The following NCMAP variants were observed in gnomAD, a reference collection of about 807,000 sequenced individuals.
NCMAP encodes noncompact myelin-associated protein.
In NCMAP, 8 loss-of-function variants were observed where a neutral mutation model predicts 7.8. That is an observed-to-expected ratio of 1.02 (90% confidence interval 0.60 to 1.84). NCMAP has a LOEUF of 1.84. Among genes scored for constraint, NCMAP ranks in the 40% most tolerant of loss-of-function variants. The pLI is 0.00. For synonymous variants in NCMAP, 41 were observed against 52.9 expected, an observed-to-expected ratio of 0.78 and a Z score of 0.98; for missense variants, 112 against 131.4, an observed-to-expected ratio of 0.85 and a Z score of 0.72.
chr1:24,598,183 G>T (rs1363807173), intron 2 of NCMAP, among the ~76,000 whole-genome samples: 1 of 152,156 alleles, frequency 6.6e-6, no homozygotes, highest in Non-Finnish European at 1.5e-5. Flanking sequence ...TTCCCTTCCA[G>T]TGTTTCTTCC....
intron 1 of NCMAP, among the ~76,000 whole-genome samples, chr1:24,567,439 T>A (rs1651260501): frequency 6.6e-6 from 1 of 152,126 alleles, no homozygotes; most frequent in Non-Finnish European, 1.5e-5. Flanking sequence ...GAAACTGACA[T>A]TATCAGCACC....
At chr1:24,594,044 AC>A (rs1382112557) in intron 1 of NCMAP, among the ~76,000 whole-genome samples, 1 of 151,892 alleles carries the variant, frequency 6.6e-6, no homozygotes, top group African/African-American at 2.4e-5. Context: ...GGCACCCACC[AC>A]CATGCCTGGC....
At chr1:24,596,380 G>A (rs1652226601) in intron 2 of NCMAP, among the ~76,000 whole-genome samples, 1 of 152,086 alleles carries the variant, frequency 6.6e-6, no homozygotes, top group South Asian at 2.1e-4. Context: ...CTCTAAATGG[G>A]TCACCTTAAA....
intron 2 of NCMAP, among the ~76,000 whole-genome samples, chr1:24,598,999 G>T (rs1356168620): frequency 6.6e-6 from 1 of 151,766 alleles, no homozygotes; most frequent in Non-Finnish European, 1.5e-5. Context: ...AAAATTGGAG[G>T]CCGGGTGTGG....
rs770077364 is a variant in NCMAP, at chr1:24,594,319, C to T, written c.-7-1105C>T. Among the ~76,000 whole-genome samples, 125 of 152,174 alleles carry T rather than the reference C, an allele frequency of 8.2e-4. 1 individual carries two copies. Among genetic ancestry groups the T allele is most frequent in the Non-Finnish European group, 1.2e-3 (83 of 68,000 alleles). ...TCACCCCTCAAATGTAACATTGTAGCCTTGTGCATTTTGATTCTTAGTGGC... is the reference window on the plus strand; with the variant it reads ...TCACCCCTCAAATGTAACATTGTAGTCTTGTGCATTTTGATTCTTAGTGGC... On this transcript the variant is annotated intron_variant, in intron 1 of 3. Coordinates refer to ENST00000374392, the MANE Select transcript of NCMAP (RefSeq NM_001010980.5).
chr1:24,602,982 G>A (rs1370398994), intron 3 of NCMAP, among the ~76,000 whole-genome samples: 1 of 152,114 alleles, frequency 6.6e-6, no homozygotes, highest in Non-Finnish European at 1.5e-5. Context: ...GGAGGTTGCA[G>A]TGAGCTGAGA....
At chr1:24,582,286 TAA>T (rs1651768925) in intron 1 of NCMAP, among the ~76,000 whole-genome samples, 1 of 152,162 alleles carries the variant, frequency 6.6e-6, no homozygotes, top group African/African-American at 2.4e-5. Flanking sequence ...ATCAGACAGA[TAA>T]GAGCCCAACT....
intron 2 of NCMAP, among the ~76,000 whole-genome samples, chr1:24,597,669 A>AAG (rs1407914958): frequency 7.2e-6 from 1 of 139,584 alleles, no homozygotes; most frequent in African/African-American, 2.6e-5. Flanking sequence ...GAAAGAAAGA[A>AAG]AGAAAAGAAA....
chr1:24,595,451 G>A lies in NCMAP; in HGVS notation c.21G>A (p.Leu7=). Residue 7 remains leucine (L), a synonymous_variant, in exon 2 of 4, where the codon CTG becomes CTA. Coordinates refer to ENST00000374392, the MANE Select transcript of NCMAP (RefSeq NM_001010980.5). Reference sequence around the variant, plus strand: ...TCGAGATGACCACAGCCACCCCTCTGGGGGATACCACCTTCTTCTCACTGA... The same window carrying A: ...TCGAGATGACCACAGCCACCCCTCTAGGGGATACCACCTTCTTCTCACTGA... The part of the protein sequence containing the change: MTTATP[L]GDTTFFSLNM... The A allele has an allele frequency of 1.9e-6, 3 of 1,613,756 alleles. No individual in the cohort carries two copies. Among genetic ancestry groups the A allele is most frequent in the Non-Finnish European group, 2.5e-6 (3 of 1,179,682 alleles).
intron 1 of NCMAP, among the ~76,000 whole-genome samples, chr1:24,571,624 C>T (rs1651392169): frequency 2.7e-5 from 4 of 150,280 alleles, no homozygotes; most frequent in Admixed American, 1.3e-4. Context: ...CTTGCTCTGT[C>T]GCCCAGGCTG....
At chr1:24,565,942 G>A (rs757738701) in intron 1 of NCMAP, among the ~76,000 whole-genome samples, 3 of 152,152 alleles carry the variant, frequency 2.0e-5, no homozygotes, top group Non-Finnish European at 1.5e-5. Context: ...TGCTGTTCTC[G>A]TGATAGAGTG....
intron 1 of NCMAP, among the ~76,000 whole-genome samples, chr1:24,577,164 A>C (rs1048673557): frequency 3.3e-5 from 5 of 152,070 alleles, no homozygotes; most frequent in African/African-American, 1.2e-4. Context: ...AAAAATAAAA[A>C]ATAAAAAGGA....
chr1:24,568,532 AGGGCT>A (rs1651292827), intron 1 of NCMAP, among the ~76,000 whole-genome samples: 2 of 152,274 alleles, frequency 1.3e-5, no homozygotes, highest in Admixed American at 1.3e-4. Context: ...AATATATTAA[AGGGCT>A]GCTTTGTGCC....
chr1:24,588,567 G>T (rs1324989368), intron 1 of NCMAP, among the ~76,000 whole-genome samples: 1 of 152,196 alleles, frequency 6.6e-6, no homozygotes, highest in African/African-American at 2.4e-5. Context: ...ATTTTGGACA[G>T]GTGGGAGTCT....
intron 3 of NCMAP, among the ~76,000 whole-genome samples, chr1:24,603,831 GTAAT>G (rs1652591042): frequency 6.6e-6 from 1 of 152,328 alleles, no homozygotes; most frequent in East Asian, 1.9e-4. Flanking sequence ...CAAATTGTTA[GTAAT>G]TAGTCAATTG....
chr1:24,578,627 A>G (rs1651660834), intron 1 of NCMAP, among the ~76,000 whole-genome samples: 1 of 147,646 alleles, frequency 6.8e-6, no homozygotes, highest in South Asian at 2.1e-4. Flanking sequence ...CAGTGGTACA[A>G]TCACAGCTCA....
chr1:24,599,245 A>G (rs1470148149), intron 2 of NCMAP, among the ~76,000 whole-genome samples: 2 of 146,002 alleles, frequency 1.4e-5, no homozygotes, highest in African/African-American at 2.5e-5. Context: ...GTGCCACTGC[A>G]CTCCAGCCTG....
In NCMAP at chr1:24,607,089, G is replaced by A. The variant is rs1177500304; in HGVS notation, c.*1342G>A. The A allele has an allele frequency of 6.6e-6, 1 of 151,588 alleles. No homozygotes were observed. The highest frequency in any genetic ancestry group is 1.5e-5 in the Non-Finnish European group (1 of 67,988). 9.4% of individuals were successfully genotyped at this position (151,588 alleles called of 1,614,324 possible). A position where few individuals can be genotyped will look rare whatever the true frequency, so the allele number is the denominator to read the frequency against. On this transcript the variant is annotated 3_prime_UTR_variant, in exon 4 of 4. Transcript: ENST00000374392. ...AGCTCGCTGCAGCCTTGAACTCCTGGGCTCAAGGGATGCTCCCTCCTCAGC... is the reference window on the plus strand; with the variant it reads ...AGCTCGCTGCAGCCTTGAACTCCTGAGCTCAAGGGATGCTCCCTCCTCAGC...
intron 2 of NCMAP, among the ~76,000 whole-genome samples, chr1:24,600,358 T>C (rs1171489011): frequency 2.6e-5 from 4 of 151,944 alleles, no homozygotes; most frequent in African/African-American, 9.7e-5. Flanking sequence ...CTTGCTATGT[T>C]GCCCAGGCTA....
Sources: gnomAD v4.1 joint callset for allele counts (sites outside exome capture counted in the v4.1 genomes callset) on GRCh38, gnomAD v4.1.1 for gene constraint, MANE v1.5 for transcripts, NCBI Gene and HGNC (gene_info 2026-07-23, HGNC 2026-07-21) for gene names.